PTPN3: variants seen among roughly 807,000 people sequenced by gnomAD.
PTPN3 encodes the protein protein tyrosine phosphatase non-receptor type 3, also known as tyrosine-protein phosphatase non-receptor type 3.
In PTPN3, 96 loss-of-function variants were observed where a neutral mutation model predicts 132.7. The observed-to-expected ratio is 0.72, with a 90% CI of 0.61 to 0.86. The LOEUF is 0.86. Among genes scored for constraint, PTPN3 ranks in the 40% least tolerant of loss-of-function variants. The pLI, the probability that PTPN3 is intolerant of heterozygous loss-of-function variation, is 0.00. For synonymous variants in PTPN3, 398 were observed against 429.0 expected, an observed-to-expected ratio of 0.93 and a Z score of 0.89; for missense variants, 1,125 against 1,159.6, an observed-to-expected ratio of 0.97 and a Z score of 0.43.
chr9:109,468,344 G>A (rs1054677028), intron 1 of PTPN3, among the ~76,000 whole-genome samples: 3 of 152,024 alleles, frequency 2.0e-5, no homozygotes, highest in Non-Finnish European at 4.4e-5. Flanking sequence ...AAGCTCTATT[G>A]TGGATACAGT....
chr9:109,376,481 C>G lies in PTPN3; in HGVS notation c.*3075G>C, dbSNP rs1252286771. ...ACGAAAGACAACTGTGTGATCCAAC[C>G]ACTGCCCCCTAACCAAAGTTGCATT... On this transcript the variant is annotated 3_prime_UTR_variant, in exon 26 of 26. Transcript: ENST00000374541. 1.3e-5 allele frequency: 2 copies of G among 152,128 alleles called. No individual in the cohort carries two copies. Among genetic ancestry groups the G allele is most frequent in the Non-Finnish European group, 2.9e-5 (2 of 68,026 alleles). 9.4% of individuals were successfully genotyped at this position (152,128 alleles called of 1,614,324 possible).
chr9:109,416,402 C>T (rs1045458968), intron 14 of PTPN3, among the ~76,000 whole-genome samples: 79 of 152,044 alleles, frequency 5.2e-4, no homozygotes, highest in African/African-American at 1.8e-3. Flanking sequence ...GGGGATCCCC[C>T]AGGTTCCTTC....
intron 1 of PTPN3, among the ~76,000 whole-genome samples, chr9:109,492,317 C>T (rs1159820407): frequency 6.6e-6 from 1 of 152,184 alleles, no homozygotes; most frequent in Admixed American, 6.5e-5. Flanking sequence ...CCAGGGGACC[C>T]TCATCAGCAC....
the PTPN3 span, among the ~76,000 whole-genome samples, chr9:109,513,482 C>T: frequency 6.6e-6 from 1 of 152,190 alleles, no homozygotes; most frequent in Non-Finnish European, 1.5e-5. Flanking sequence ...GTTGCACTTA[C>T]CTAAGTACAT....
intron 10 of PTPN3, 104 bp from the exon 11 acceptor site, chr9:109,428,788 G>C: frequency 6.8e-7 from 1 of 1,469,674 alleles, no homozygotes; most frequent in Non-Finnish European, 9.0e-7. Flanking sequence ...CCTGATGAGT[G>C]GGGGCTCTTG....
chr9:109,401,569 C>T (rs1433409632), intron 19 of PTPN3, among the ~76,000 whole-genome samples: 2 of 152,200 alleles, frequency 1.3e-5, no homozygotes, highest in Non-Finnish European at 2.9e-5. Context: ...GAGCCACCTG[C>T]GTGAAGGAGG....
At chr9:109,428,844 G>T (rs1843464606) in intron 10 of PTPN3, 160 bp from the exon 11 acceptor site, 1 of 985,278 alleles carries the variant, frequency 1.0e-6, no homozygotes, top group Admixed American at 6.1e-5. Flanking sequence ...CAGCCCCACT[G>T]CCGCAGGCTA....
chr9:109,443,864 T>A (rs558072126), intron 7 of PTPN3, among the ~76,000 whole-genome samples: 1 of 152,304 alleles, frequency 6.6e-6, no homozygotes, highest in South Asian at 2.1e-4. Flanking sequence ...GTACTCGTCT[T>A]ACTCGTGAAT....
At chr9:109,471,441 A>G (rs193098923) in intron 1 of PTPN3, among the ~76,000 whole-genome samples, 4 of 152,294 alleles carry the variant, frequency 2.6e-5, no homozygotes, top group African/African-American at 9.6e-5. Context: ...TGCTGCAGAG[A>G]TCATGCCCCT....
chr9:109,430,281 T>G (rs1371373406), intron 10 of PTPN3, among the ~76,000 whole-genome samples: 1 of 152,186 alleles, frequency 6.6e-6, no homozygotes. Flanking sequence ...GTTCTTACCT[T>G]GCCTTGTTTG....
chr9:109,434,943 G>C (rs1843928456), intron 9 of PTPN3, among the ~76,000 whole-genome samples: 2 of 152,174 alleles, frequency 1.3e-5, no homozygotes, highest in Non-Finnish European at 2.9e-5. Flanking sequence ...ACAAAACAGT[G>C]CTGATACTGT....
chr9:109,439,226 AC>A (rs1844275816), intron 7 of PTPN3, among the ~76,000 whole-genome samples: 1 of 152,148 alleles, frequency 6.6e-6, no homozygotes, highest in African/African-American at 2.4e-5. Flanking sequence ...GGCTTATGGG[AC>A]CTGAGGACAT....
At chr9:109,485,888 T>C (rs1847185448) in intron 1 of PTPN3, among the ~76,000 whole-genome samples, 1 of 152,244 alleles carries the variant, frequency 6.6e-6, no homozygotes, top group Non-Finnish European at 1.5e-5. Flanking sequence ...TGAAGAAAAC[T>C]GAAGCCTTTC....
At chr9:109,438,655 C>G (rs1036516601) in intron 7 of PTPN3, among the ~76,000 whole-genome samples, 1 of 152,178 alleles carries the variant, frequency 6.6e-6, no homozygotes, top group Non-Finnish European at 1.5e-5. Flanking sequence ...TGCCATACCC[C>G]AAGGTTACCA....
At chr9:109,430,012 T>C (rs1843545727) in intron 10 of PTPN3, among the ~76,000 whole-genome samples, 1 of 152,308 alleles carries the variant, frequency 6.6e-6, no homozygotes, top group Middle Eastern at 3.4e-3. Flanking sequence ...AGATATTACC[T>C]AATACACATC....
chr9:109,497,039 C>T (rs1298633455), intron 1 of PTPN3, among the ~76,000 whole-genome samples: 1 of 152,114 alleles, frequency 6.6e-6, no homozygotes, highest in Admixed American at 6.5e-5. Flanking sequence ...TAAGTGAAGC[C>T]AACTGCCAAC....
intron 1 of PTPN3, among the ~76,000 whole-genome samples, chr9:109,464,899 G>T (rs1846020045): frequency 6.6e-6 from 1 of 152,194 alleles, no homozygotes; most frequent in East Asian, 1.9e-4. Context: ...TAGAAGAAAG[G>T]ATAATGGTTA....
chr9:109,416,391 A>AG (rs943185260), intron 14 of PTPN3, among the ~76,000 whole-genome samples: 133 of 151,930 alleles, frequency 8.8e-4, no homozygotes, highest in African/African-American at 3.1e-3. Flanking sequence ...AAGCTGAAGA[A>AG]GGGGATCCCC....
At chr9:109,524,243 C>CAA in the PTPN3 span, among the ~76,000 whole-genome samples, 1 of 149,974 alleles carries the variant, frequency 6.7e-6, no homozygotes, top group African/African-American at 2.5e-5. Flanking sequence ...GACCTTGTCT[C>CAA]AAAAAAAAAC....
Sources: gnomAD v4.1 joint callset for allele counts (sites outside exome capture counted in the v4.1 genomes callset) on GRCh38, gnomAD v4.1.1 for gene constraint, MANE v1.5 for transcripts, NCBI Gene and HGNC (gene_info 2026-07-23, HGNC 2026-07-21) for gene names.